The following FAM184B variants were observed in gnomAD, a reference collection of about 807,000 sequenced individuals.
The protein encoded by FAM184B is family with sequence similarity 184 member B, also known as protein FAM184B.
FAM184B carries 111 observed loss-of-function variants against 135.9 expected under a neutral mutation model. The ratio of observed to expected loss-of-function variants is 0.82; its 90% CI spans 0.70 to 0.96. FAM184B has a LOEUF of 0.96. Among genes scored for constraint, FAM184B ranks in the 40% least tolerant of loss-of-function variants. The pLI, the probability that FAM184B is intolerant of heterozygous loss-of-function variation, is 0.00. For synonymous variants in FAM184B, 552 were observed against 524.8 expected, an observed-to-expected ratio of 1.05 and a Z score of -0.71; for missense variants, 1,375 against 1,323.9, an observed-to-expected ratio of 1.04 and a Z score of -0.60.
At chr4:17,741,281 T>C (rs1560190441) in intron 1 of FAM184B, among the ~76,000 whole-genome samples, 1 of 152,208 alleles carries the variant, frequency 6.6e-6, no homozygotes, top group Non-Finnish European at 1.5e-5. Context: ...GTTACAATTT[T>C]AGACAAGGTG....
intron 8 of FAM184B, among the ~76,000 whole-genome samples, chr4:17,660,662 A>G (rs1715896334): frequency 6.6e-6 from 1 of 151,934 alleles, no homozygotes; most frequent in South Asian, 2.1e-4. Flanking sequence ...TCTAGATAAG[A>G]TGCTGACAAA....
intron 7 of FAM184B, among the ~76,000 whole-genome samples, chr4:17,667,640 T>A (rs1477056414): frequency 6.6e-6 from 1 of 152,206 alleles, no homozygotes; most frequent in Non-Finnish European, 1.5e-5. Flanking sequence ...AGCCCTTATC[T>A]TCCCCCTGGG....
chr4:17,705,981 T>C, intron 3 of FAM184B, 90 bp from the exon 4 acceptor site: 1 of 1,491,856 alleles, frequency 6.7e-7, no homozygotes, highest in Non-Finnish European at 9.0e-7. Flanking sequence ...CGTTCCGCTT[T>C]ACAACCACTT....
intron 1 of FAM184B, among the ~76,000 whole-genome samples, chr4:17,755,702 T>C (rs1005165826): frequency 1.4e-4 from 21 of 152,200 alleles, no homozygotes; most frequent in African/African-American, 5.1e-4. Flanking sequence ...ATGTGGTACA[T>C]ATACACCACA....
At chr4:17,654,564 G>A (rs376421290) in intron 10 of FAM184B, among the ~76,000 whole-genome samples, 3 of 152,358 alleles carry the variant, frequency 2.0e-5, no homozygotes, top group East Asian at 3.9e-4. Context: ...GAGAGGTGAT[G>A]GAAGAGGCAG....
intron 1 of FAM184B, among the ~76,000 whole-genome samples, chr4:17,778,064 C>G (rs1381787250): frequency 6.7e-6 from 1 of 150,272 alleles, no homozygotes; most frequent in Admixed American, 6.6e-5. Context: ...TAGTGAGACA[C>G]TGTCTCAAAG....
chr4:17,641,402 T>C (rs1324688829), intron 13 of FAM184B, among the ~76,000 whole-genome samples: 1 of 150,700 alleles, frequency 6.6e-6, no homozygotes, highest in African/African-American at 2.4e-5. Flanking sequence ...ATGACACTTT[T>C]GGTCCAATTC....
chr4:17,733,693 T>C (rs763201112), intron 1 of FAM184B, among the ~76,000 whole-genome samples: 13 of 152,174 alleles, frequency 8.5e-5, no homozygotes, highest in Non-Finnish European at 1.6e-4. Context: ...TACAAACAAA[T>C]GGAAGAACAT....
intron 12 of FAM184B, among the ~76,000 whole-genome samples, chr4:17,644,817 T>C (rs1366098169): frequency 6.6e-6 from 1 of 152,210 alleles, no homozygotes; most frequent in Non-Finnish European, 1.5e-5. Context: ...GACGACATGA[T>C]TGTATATCTA....
At chr4:17,737,131 T>C (rs1577283512) in intron 1 of FAM184B, among the ~76,000 whole-genome samples, 1 of 147,808 alleles carries the variant, frequency 6.8e-6, no homozygotes, top group Admixed American at 6.8e-5. Flanking sequence ...GCAACAAGAG[T>C]GAGACTTCGT....
Position 17,636,665 on chromosome 4 carries a change from AG to A in FAM184B, c.2667-21del, listed in dbSNP as rs772131939. 5.3e-6 allele frequency: 8 copies of A among 1,522,708 alleles called. No homozygotes were observed. The African/African-American group carries it at 9.7e-5, about 18-fold the overall frequency. The allele number at this position is 1,522,708 out of a possible 1,614,324, so 94.3% of individuals were successfully genotyped here. Reference sequence around the variant, plus strand: ...TTCAGTCTGTTCCAAGCAGGCATGCAGTCAAGTCCCCCTTACAGCAATTACT... The same window carrying A: ...TTCAGTCTGTTCCAAGCAGGCATGCATCAAGTCCCCCTTACAGCAATTACT... On this transcript the variant is annotated intron_variant, in intron 14 of 17. Transcript: ENST00000265018.
intron 6 of FAM184B, among the ~76,000 whole-genome samples, chr4:17,690,155 A>T (rs7654332): frequency 0.6 from 90,547 of 151,648 alleles, 27,609 homozygotes; most frequent in East Asian, 0.87. Context: ...CTCAAAAAAA[A>T]AAAAAAAAGA....
At chr4:17,780,173 A>G (rs1196288036) in intron 1 of FAM184B, among the ~76,000 whole-genome samples, 1 of 152,100 alleles carries the variant, frequency 6.6e-6, no homozygotes, top group Non-Finnish European at 1.5e-5. Flanking sequence ...TTGGCGGGAC[A>G]GGGGGAGGGG....
intron 5 of FAM184B, among the ~76,000 whole-genome samples, chr4:17,700,678 G>T (rs1424873257): frequency 6.6e-6 from 1 of 152,128 alleles, no homozygotes; most frequent in Non-Finnish European, 1.5e-5. Flanking sequence ...CCACCCAACA[G>T]CAGCAGATTC....
intron 7 of FAM184B, among the ~76,000 whole-genome samples, chr4:17,681,066 G>A (rs1716422667): frequency 1.3e-5 from 2 of 152,204 alleles, no homozygotes; most frequent in African/African-American, 4.8e-5. Flanking sequence ...GTTCTGAAAA[G>A]TGACTTCATA....
Position 17,629,668 on chromosome 4 carries a change from A to ATT in FAM184B, c.*2862_*2863dup, listed in dbSNP as rs1206800434. The ATT allele has an allele frequency of 6.6e-6, 1 of 152,148 alleles. No individual in the cohort carries two copies. Among genetic ancestry groups the ATT allele is most frequent in the Non-Finnish European group, 1.5e-5 (1 of 68,030 alleles). 9.4% of individuals were successfully genotyped at this position (152,148 alleles called of 1,614,324 possible). ...TTTCTCTCTCTTAACTTAATCCCGA[A>ATT]TTGGATAATTTCTCTTCATCTTCAC... On this transcript the variant is annotated 3_prime_UTR_variant, in exon 18 of 18. Coordinates refer to ENST00000265018, the MANE Select transcript of FAM184B (RefSeq NM_015688.2).
intron 5 of FAM184B, among the ~76,000 whole-genome samples, chr4:17,694,522 CAAA>C (rs5856442): frequency 7.1e-6 from 1 of 141,528 alleles, no homozygotes. Context: ...GACTCCATCT[CAAA>C]AAAAAAAAAA....
At chr4:17,688,833 A>T (rs745854318) in intron 6 of FAM184B, among the ~76,000 whole-genome samples, 1 of 152,006 alleles carries the variant, frequency 6.6e-6, no homozygotes, top group African/African-American at 2.4e-5. Flanking sequence ...CTGGGACTAC[A>T]GGTATGCACC....
At chr4:17,750,949 G>A (rs1331284681) in intron 1 of FAM184B, among the ~76,000 whole-genome samples, 4 of 152,078 alleles carry the variant, frequency 2.6e-5, no homozygotes, top group Admixed American at 6.6e-5. Context: ...ACTCAGTCCC[G>A]ACCCATAGGA....
Sources: allele counts gnomAD v4.1 joint callset (sites outside exome capture counted in the v4.1 genomes callset), GRCh38; gene constraint gnomAD v4.1.1; transcripts MANE v1.5; gene names NCBI Gene and HGNC (gene_info 2026-07-23, HGNC 2026-07-21).